ZHX3: variants seen among roughly 807,000 people sequenced by gnomAD.
The protein encoded by ZHX3 is zinc fingers and homeoboxes protein 3.
Under a neutral mutation model 64.5 loss-of-function variants are expected in ZHX3, and 20 were observed. The ratio of observed to expected loss-of-function variants is 0.31; its 90% CI spans 0.22 to 0.45. ZHX3 has a LOEUF of 0.45. ZHX3 is among the 20% of genes least tolerant of loss of function. The probability of loss-of-function intolerance (pLI) is 1.00; values close to 1 mark genes in which losing one functional copy is unlikely to be tolerated. For missense variants in ZHX3, 1,041 were observed against 1,195.8 expected, an observed-to-expected ratio of 0.87 and a Z score of 1.91; for synonymous variants, 423 against 461.6, an observed-to-expected ratio of 0.92 and a Z score of 1.07.
At chr20:41,267,616 T>C (rs1479665011) in intron 2 of ZHX3, 3 of 152,174 alleles carry the variant, frequency 2.0e-5, no homozygotes, top group Non-Finnish European at 4.4e-5. Context: ...ATAAATGCTA[T>C]AGAAAAAATA....
At chr20:41,245,096 CA>C (rs2041611672) in intron 2 of ZHX3, among the ~76,000 whole-genome samples, 1 of 152,188 alleles carries the variant, frequency 6.6e-6, no homozygotes, top group Admixed American at 6.5e-5. Flanking sequence ...AAGGGGCCTA[CA>C]AGTAAATGTT....
At chr20:41,257,942 G>T (rs1400200347) in intron 2 of ZHX3, among the ~76,000 whole-genome samples, 1 of 131,304 alleles carries the variant, frequency 7.6e-6, no homozygotes, top group African/African-American at 3.2e-5. Flanking sequence ...TTTTGCTCTT[G>T]TCAGCCAGGC....
chr20:41,226,229 C>T lies in ZHX3; in HGVS notation c.-150-21163G>A, dbSNP rs760177866. 6.6e-6 allele frequency among the ~76,000 whole-genome samples: 1 copy of T among 152,064 alleles called. No homozygotes were observed. Among genetic ancestry groups the T allele is most frequent in the South Asian group, 2.1e-4 (1 of 4,816 alleles). On this transcript the variant is annotated intron_variant, in intron 2 of 3. Transcript: ENST00000683867. This position sits in a 1 kb window ranked among gnomAD's most constrained non-coding sequence, Gnocchi z 4.4. The stretch of plus-strand genomic sequence containing the variant: ...TGGCTAACATGGTGAAACCCCATCT[C>T]TACTAAAAATACAAAAAATTAGCCG...
chr20:41,268,129 G>A (rs2042952320), intron 2 of ZHX3, among the ~76,000 whole-genome samples: 1 of 152,122 alleles, frequency 6.6e-6, no homozygotes. Context: ...CCAGGCTTGT[G>A]AAGGAGGAGA....
rs2037116047 is a variant in ZHX3, at chr20:41,192,528, G to A, written c.2861-7327C>T. On this transcript the variant is annotated intron_variant, in intron 3 of 3. Transcript: ENST00000683867. ...ACTCACACCTCACTCAGCTCCAGTG[G>A]CACTTGTGCCTCAGCCCCTGCTATG... Among the ~76,000 whole-genome samples the A allele has an allele frequency of 2.6e-5, 4 of 152,212 alleles. No homozygotes were observed. In the South Asian group the frequency reaches 8.3e-4, roughly 32 times the overall value.
At chr20:41,215,596 TCAG>T (rs2039462948) in intron 2 of ZHX3, among the ~76,000 whole-genome samples, 1 of 151,940 alleles carries the variant, frequency 6.6e-6, no homozygotes, top group Non-Finnish European at 1.5e-5. Context: ...GTTATGATAG[TCAG>T]CCTGCAGCCC....
At chr20:41,252,015 T>C (rs1036557499) in intron 2 of ZHX3, among the ~76,000 whole-genome samples, 1 of 152,128 alleles carries the variant, frequency 6.6e-6, no homozygotes, top group South Asian at 2.1e-4. Context: ...AAAAATGTTG[T>C]TTTTTCCAAA....
intron 2 of ZHX3, 130 bp from the exon 3 acceptor site, chr20:41,205,196 T>C: frequency 5.9e-6 from 2 of 337,690 alleles, no homozygotes; most frequent in East Asian, 1.2e-4. Flanking sequence ...AATCAGCAAC[T>C]TGGATATGAA....
chr20:41,297,363 T>C (rs773781956), intron 1 of ZHX3, among the ~76,000 whole-genome samples: 1 of 152,170 alleles, frequency 6.6e-6, no homozygotes, highest in Non-Finnish European at 1.5e-5. Flanking sequence ...ACCCTGTGAA[T>C]TGACAAGAAG....
intron 1 of ZHX3, among the ~76,000 whole-genome samples, chr20:41,298,754 AG>A (rs2044662629): frequency 6.6e-6 from 1 of 152,224 alleles, no homozygotes; most frequent in Non-Finnish European, 1.5e-5. Context: ...CAGACTAAGG[AG>A]GAAGTTTACA....
At position 41,232,601 on chromosome 20, in the gene ZHX3, T is replaced by C. The variant is rs1396718473; in HGVS notation, c.-150-27535A>G. On this transcript the variant is annotated intron_variant, in intron 2 of 3. Transcript: ENST00000683867. This position sits in a 1 kb window ranked among gnomAD's most constrained non-coding sequence, Gnocchi z 5.0. ...TCTTCTAATCTAGGAAAATTCTTCT[T>C]TTTTTTTTGAGACGGAGTCTCGCTG... Among the ~76,000 whole-genome samples the C allele has an allele frequency of 6.6e-6, 1 of 151,572 alleles. No homozygotes were observed. The highest frequency in any genetic ancestry group is 1.5e-5 in the Non-Finnish European group (1 of 67,832).
At chr20:41,194,367 G>A (rs1323442871) in intron 3 of ZHX3, among the ~76,000 whole-genome samples, 2 of 152,096 alleles carry the variant, frequency 1.3e-5, no homozygotes, top group Non-Finnish European at 2.9e-5. Context: ...TTGTAATGTG[G>A]TGAATTACAT....
rs2038449847 is a variant in ZHX3 at position 41,203,673 on chromosome 20, A to G, written c.1244T>C (p.Val415Ala). 2 of 1,614,072 alleles carry G rather than the reference A, an allele frequency of 1.2e-6. No homozygotes were observed. The highest frequency in any genetic ancestry group is 1.7e-6 in the Non-Finnish European group (2 of 1,180,022). Residue 415 changes from valine to alanine, a missense_variant, in exon 3 of 4, where the codon GTG (valine) becomes GCG (alanine). By Grantham distance (64) the Val-to-Ala change is moderately conservative. Coordinates refer to ENST00000683867, the MANE Select transcript of ZHX3 (RefSeq NM_001384317.1). The surrounding 1 kb of genome is among the most constrained non-coding windows in gnomAD (Gnocchi z 7.1). ...CCCTCCTGTACCCTCTGGCTGCCCC[A>G]CAACGTGACCTGGAAGAGCGGCCTG... Reference protein sequence around the residue: ...LIQAALPGHVVGQPEGTGGGL... With the variant: ...LIQAALPGHVAGQPEGTGGGL...
At position 41,219,393 on chromosome 20, in the gene ZHX3, A is replaced by G. The variant is rs1468286986; in HGVS notation, c.-150-14327T>C. Among the ~76,000 whole-genome samples the G allele has an allele frequency of 6.6e-6, 1 of 152,228 alleles. No individual in the cohort carries two copies. The highest frequency in any genetic ancestry group is 2.4e-5 in the African/African-American group (1 of 41,464). On this transcript the variant is annotated intron_variant, in intron 2 of 3. Coordinates refer to ENST00000683867, the MANE Select transcript of ZHX3 (RefSeq NM_001384317.1). The surrounding 1 kb of genome is among the most constrained non-coding windows in gnomAD (Gnocchi z 5.0). ...GAATTAAAGAGACTTTAGAGATCAT[A>G]TATTCTAACCACTCACCTTTGCATG...
At chr20:41,273,269 T>C (rs1354758941) in intron 1 of ZHX3, among the ~76,000 whole-genome samples, 2 of 148,598 alleles carry the variant, frequency 1.3e-5, no homozygotes, top group African/African-American at 4.9e-5. Flanking sequence ...CGTTTTGTTT[T>C]GTTTGTTTTT....
rs371440196 is a variant in ZHX3 at position 41,219,004 on chromosome 20, A to C, written c.-150-13938T>G. On this transcript the variant is annotated intron_variant, in intron 2 of 3. Transcript: ENST00000683867. This position sits in a 1 kb window ranked among gnomAD's most constrained non-coding sequence, Gnocchi z 5.0. The stretch of plus-strand genomic sequence containing the variant: ...GAGTGCAGTGGCGCGATCTCGGCTC[A>C]CTGCAAGCTCCACCTCCCGGGTTCA... 3.8e-4 allele frequency among the ~76,000 whole-genome samples: 52 copies of C among 137,798 alleles called. 1 individual carries two copies. In the East Asian group the frequency reaches 5.1e-3, roughly 13 times the overall value. 90.4% of individuals were successfully genotyped at this position (137,798 alleles called of 152,430 possible). A position where few individuals can be genotyped will look rare whatever the true frequency, so the allele number is the denominator to read the frequency against.
intron 1 of ZHX3, among the ~76,000 whole-genome samples, chr20:41,276,269 T>C (rs187013176): frequency 1.1e-4 from 16 of 150,090 alleles, no homozygotes; most frequent in Non-Finnish European, 2.4e-4. Context: ...TTCTTTTTTT[T>C]AAATGTAGCT....
At position 41,212,418 on chromosome 20, in the gene ZHX3, C is replaced by T. The variant is rs1160589160; in HGVS notation, c.-150-7352G>A. On this transcript the variant is annotated intron_variant, in intron 2 of 3. Transcript: ENST00000683867. The surrounding 1 kb of genome is among the most constrained non-coding windows in gnomAD (Gnocchi z 4.3). ...GGATGCAGAGAAACTGGAGCCCTCA[C>T]GTATTGCTGATGAAAATGTAAAATG... Among the ~76,000 whole-genome samples the T allele has an allele frequency of 6.6e-6, 1 of 152,100 alleles. No individual in the cohort carries two copies. Among genetic ancestry groups the T allele is most frequent in the Non-Finnish European group, 1.5e-5 (1 of 68,032 alleles).
chr20:41,282,239 CA>C (rs1270539245), intron 1 of ZHX3, among the ~76,000 whole-genome samples: 1 of 152,106 alleles, frequency 6.6e-6, no homozygotes, highest in African/African-American at 2.4e-5. Context: ...CTGCAAATGC[CA>C]AAGGCAATCA....
Sources: gnomAD v4.1 joint callset for allele counts (sites outside exome capture counted in the v4.1 genomes callset) on GRCh38, gnomAD v4.1.1 for gene constraint, Gnocchi (gnomAD v3.1) non-coding constraint, MANE v1.5 for transcripts, NCBI Gene and HGNC (gene_info 2026-07-23, HGNC 2026-07-21) for gene names.